TOP2B: variants seen among roughly 807,000 people sequenced by gnomAD.
The protein encoded by TOP2B is DNA topoisomerase II beta.
Under a neutral mutation model 193.5 loss-of-function variants are expected in TOP2B, and 51 were observed. That is an observed-to-expected ratio of 0.26 (90% CI 0.21 to 0.33). The LOEUF is 0.33. Among genes scored for constraint, TOP2B ranks in the 10% least tolerant of loss-of-function variants. The pLI is 1.00. For missense variants in TOP2B, 1,378 were observed against 1,909.3 expected, an observed-to-expected ratio of 0.72 and a Z score of 5.19; for synonymous variants, 634 against 635.7, an observed-to-expected ratio of 1.00 and a Z score of 0.04.
intron 20 of TOP2B, 30 bp from the exon 21 acceptor site, chr3:25,623,776 A>G (rs773989651): frequency 6.9e-7 from 1 of 1,456,120 alleles, no homozygotes; most frequent in East Asian, 2.3e-5. Flanking sequence ...GCAAATGAAA[A>G]AATGTCATGG....
chr3:25,630,179 G>C (rs1463270914), intron 12 of TOP2B, 25 bp from the exon 13 acceptor site: 2 of 1,533,940 alleles, frequency 1.3e-6, no homozygotes, highest in Non-Finnish European at 1.8e-6. Flanking sequence ...AAAGCACTGA[G>C]AGTAGTTTGA....
chr3:25,612,862 AAAT>A (rs1230072543), intron 27 of TOP2B, among the ~76,000 whole-genome samples, 153 bp from the exon 28 acceptor site: 3 of 152,250 alleles, frequency 2.0e-5, no homozygotes, highest in African/African-American at 7.2e-5. Flanking sequence ...AATGGAAAAA[AAAT>A]AAAGAATTCT....
chr3:25,614,042 C>T (rs932225477), intron 27 of TOP2B, among the ~76,000 whole-genome samples: 2 of 151,978 alleles, frequency 1.3e-5, no homozygotes, highest in African/African-American at 2.4e-5. Context: ...TTAAATGATA[C>T]AGAGAGACAT....
chr3:25,663,439 T>G (rs1374620145), intron 1 of TOP2B, among the ~76,000 whole-genome samples: 4 of 152,194 alleles, frequency 2.6e-5, no homozygotes, highest in Non-Finnish European at 5.9e-5. Context: ...CGGCGAATTA[T>G]CGATCTGTCG....
chr3:25,629,918 G>T, intron 13 of TOP2B, 111 bp downstream of exon 13: 3 of 1,145,836 alleles, frequency 2.6e-6, no homozygotes, highest in Non-Finnish European at 3.6e-6. Flanking sequence ...TCCTCCTGAT[G>T]TATAATCACT....
intron 27 of TOP2B, among the ~76,000 whole-genome samples, chr3:25,614,655 T>C (rs1234589269): frequency 1.3e-5 from 2 of 152,148 alleles, no homozygotes; most frequent in East Asian, 3.9e-4. Flanking sequence ...ATAAATGGTA[T>C]TTTACATTTT....
At chr3:25,639,733 A>G (rs184049920) in intron 4 of TOP2B, among the ~76,000 whole-genome samples, 1 of 152,356 alleles carries the variant, frequency 6.6e-6, no homozygotes, top group Admixed American at 6.5e-5. Context: ...TTCTGGAAGA[A>G]CTGTCCAAAT....
At chr3:25,624,996 T>C (rs943722212) in intron 18 of TOP2B, 193 bp from the exon 19 acceptor site, 1 of 514,884 alleles carries the variant, frequency 1.9e-6, no homozygotes, top group Non-Finnish European at 3.5e-6. Context: ...CATCTGCAGG[T>C]ATATACTAAG....
At chr3:25,647,320 A>G (rs1394370203) in intron 1 of TOP2B, among the ~76,000 whole-genome samples, 3 of 152,222 alleles carry the variant, frequency 2.0e-5, no homozygotes, top group Non-Finnish European at 4.4e-5. Context: ...GTTAGAACAA[A>G]GATCATAATC....
In TOP2B at chr3:25,632,788, G is replaced by A. The variant is rs772229888; in HGVS notation, c.1033C>T (p.Arg345Trp). Reference sequence around the variant, plus strand: ...TGATCTACCACATAATCCACGTGCCGTCCACCCTAAAGAAAAAAAAATATA... The same window carrying A: ...TGATCTACCACATAATCCACGTGCCATCCACCCTAAAGAAAAAAAAATATA... ...VNSIATTKGGRHVDYVVDQVV... is the reference protein window; with the variant it reads ...VNSIATTKGGWHVDYVVDQVV... The change falls in exon 9 of 36, where the codon CGG becomes TGG. Residue 345 changes from arginine to tryptophan, a missense_variant. Transcript: ENST00000264331. 14 of 1,611,056 alleles carry A rather than the reference G, an allele frequency of 8.7e-6. No individual in the cohort carries two copies. Among genetic ancestry groups the A allele is most frequent in the Admixed American group, 1.7e-5 (1 of 59,706 alleles).
intron 10 of TOP2B, 41 bp downstream of exon 10, chr3:25,632,405 C>A (rs896382765): frequency 1.3e-6 from 2 of 1,481,774 alleles, no homozygotes; most frequent in Admixed American, 2.5e-5. Context: ...ACCTAATCAA[C>A]TCTTAATAAC....
Position 25,598,198 on chromosome 3 carries a change from C to G in TOP2B, c.*109G>C. 3 of 1,183,676 alleles carry G rather than the reference C, an allele frequency of 2.5e-6. No individual in the cohort carries two copies. The highest frequency in any genetic ancestry group is 3.5e-6 in the Non-Finnish European group (3 of 850,426). The allele number at this position is 1,183,676 out of a possible 1,614,324, so 73.3% of individuals were successfully genotyped here. A position where few individuals can be genotyped will look rare whatever the true frequency, so the allele number is the denominator to read the frequency against. ...GCCTACCACAATAATAAAAAACCGTCAATTACATCATCACATTAAAATAAG... is the reference window on the plus strand; with the variant it reads ...GCCTACCACAATAATAAAAAACCGTGAATTACATCATCACATTAAAATAAG... On this transcript the variant is annotated 3_prime_UTR_variant, in exon 36 of 36. Transcript: ENST00000264331.
At chr3:25,629,901 C>T (rs1436976506) in intron 13 of TOP2B, 128 bp downstream of exon 13, 20 of 1,041,612 alleles carry the variant, frequency 1.9e-5, no homozygotes, top group Non-Finnish European at 2.3e-5. Context: ...GTGGTTTTTT[C>T]ATTTTTTCCT....
At chr3:25,624,984 G>A (rs945995469) in intron 18 of TOP2B, 181 bp from the exon 19 acceptor site, 25 of 572,902 alleles carry the variant, frequency 4.4e-5, no homozygotes, top group African/African-American at 3.8e-4. Context: ...TTCCTAGAAA[G>A]CCATCTGCAG....
chr3:25,630,186 T>G, intron 12 of TOP2B, 32 bp from the exon 13 acceptor site: 1 of 1,530,292 alleles, frequency 6.5e-7, no homozygotes, highest in Non-Finnish European at 8.8e-7. Flanking sequence ...TGAGAGTAGT[T>G]TGAAGTGTTG....
chr3:25,630,040 T>A lies in TOP2B; in HGVS notation c.1678A>T (p.Met560Leu). 6.2e-7 allele frequency: 1 copy of A among 1,603,568 alleles called. No individual in the cohort carries two copies. Among genetic ancestry groups the A allele is most frequent in the Non-Finnish European group, 8.5e-7 (1 of 1,175,498 alleles). Residue 560 changes from methionine to leucine, a missense_variant, in exon 13 of 36, where the codon ATG becomes TTG. By Grantham distance (15) the Met-to-Leu change is conservative. Coordinates refer to ENST00000264331, the MANE Select transcript of TOP2B (RefSeq NM_001330700.2). ...ACTTTAAAACCAACCTGATCGGTCATAATCATAATCTTTCCATAGCGTAAG... is the reference window on the plus strand; with the variant it reads ...ACTTTAAAACCAACCTGATCGGTCAAAATCATAATCTTTCCATAGCGTAAG... ...KTLRYGKIMI[M>L]TDQDQDGSHI...
At chr3:25,656,918 C>A (rs918065827) in intron 1 of TOP2B, among the ~76,000 whole-genome samples, 2 of 152,192 alleles carry the variant, frequency 1.3e-5, no homozygotes, top group African/African-American at 4.8e-5. Context: ...CTGAAGGTTT[C>A]TTTTCCTAGA....
At chr3:25,611,417 T>G (rs560839817) in intron 28 of TOP2B, among the ~76,000 whole-genome samples, 11 of 152,288 alleles carry the variant, frequency 7.2e-5, no homozygotes, top group African/African-American at 2.6e-4. Context: ...GCTTCAAATA[T>G]TAGCTCTGCA....
intron 4 of TOP2B, among the ~76,000 whole-genome samples, chr3:25,641,096 A>G (rs1054803751): frequency 6.6e-6 from 1 of 152,074 alleles, no homozygotes; most frequent in Non-Finnish European, 1.5e-5. Context: ...TCACTTCTTT[A>G]TCACTTTGTT....
Sources: allele counts gnomAD v4.1 joint callset (sites outside exome capture counted in the v4.1 genomes callset), GRCh38; gene constraint gnomAD v4.1.1; transcripts MANE v1.5; gene names NCBI Gene and HGNC (gene_info 2026-07-23, HGNC 2026-07-21).